The following SKAP2 variants were observed in gnomAD, a reference collection of about 807,000 sequenced individuals.
SKAP2 encodes the protein src kinase-associated phosphoprotein 2.
Under a neutral mutation model 54.9 loss-of-function variants are expected in SKAP2, and 28 were observed. The observed-to-expected ratio is 0.51, with a 90% CI of 0.38 to 0.70. SKAP2 has a LOEUF of 0.70. SKAP2 is among the 30% of genes least tolerant of loss of function. The pLI is 0.00. For synonymous variants in SKAP2, 137 were observed against 134.3 expected, an observed-to-expected ratio of 1.02 and a Z score of -0.14; for missense variants, 356 against 424.1, an observed-to-expected ratio of 0.84 and a Z score of 1.41.
intron 1 of SKAP2, chr7:26,857,636 C>A (rs1785199902): frequency 1.0e-6 from 1 of 985,430 alleles, no homozygotes; most frequent in Non-Finnish European, 1.2e-6. Flanking sequence ...CTGAGAAACG[C>A]ACTTCAGCGT....
intron 4 of SKAP2, among the ~76,000 whole-genome samples, chr7:26,751,812 G>T (rs1342308130): frequency 6.8e-6 from 1 of 147,998 alleles, no homozygotes; most frequent in Non-Finnish European, 1.5e-5. Context: ...CATTTCCCAG[G>T]CATTTGTACA....
chr7:26,682,601 C>G (rs1389254287), intron 11 of SKAP2, among the ~76,000 whole-genome samples: 1 of 152,174 alleles, frequency 6.6e-6, no homozygotes, highest in African/African-American at 2.4e-5. Flanking sequence ...AATTACACAT[C>G]TCTAGAAGGC....
At chr7:26,731,666 T>C (rs1787827223) in intron 6 of SKAP2, among the ~76,000 whole-genome samples, 1 of 152,110 alleles carries the variant, frequency 6.6e-6, no homozygotes, top group South Asian at 2.1e-4. Context: ...ACAATGGAGA[T>C]CATCTTATCC....
At chr7:26,767,875 T>C (rs1783096738) in intron 4 of SKAP2, among the ~76,000 whole-genome samples, 1 of 152,212 alleles carries the variant, frequency 6.6e-6, no homozygotes, top group Admixed American at 6.5e-5. Flanking sequence ...AGTGTTTTAC[T>C]TCCAATTATG....
At chr7:26,796,051 A>G (rs1175071402) in intron 4 of SKAP2, among the ~76,000 whole-genome samples, 1 of 152,258 alleles carries the variant, frequency 6.6e-6, no homozygotes, top group Non-Finnish European at 1.5e-5. Flanking sequence ...TCATTAATGC[A>G]TAAAATATAT....
chr7:26,655,944 G>A, the SKAP2 span, among the ~76,000 whole-genome samples: 1 of 152,142 alleles, frequency 6.6e-6, no homozygotes, highest in South Asian at 2.1e-4. Flanking sequence ...CCACTGGATG[G>A]AAATGTTAGC....
intron 4 of SKAP2, among the ~76,000 whole-genome samples, chr7:26,795,007 A>C (rs2127982632): frequency 6.6e-6 from 1 of 152,310 alleles, no homozygotes; most frequent in Non-Finnish European, 1.5e-5. Context: ...AGGTTAATAG[A>C]GGTTTGGCAC....
intron 11 of SKAP2, among the ~76,000 whole-genome samples, chr7:26,672,027 C>T (rs1242504094): frequency 6.6e-6 from 1 of 151,780 alleles, no homozygotes; most frequent in Admixed American, 6.6e-5. Context: ...TTATTCAATG[C>T]CAATATAAGA....
chr7:26,840,729 G>C (rs1784802560), intron 4 of SKAP2, among the ~76,000 whole-genome samples: 1 of 151,878 alleles, frequency 6.6e-6, no homozygotes, highest in Non-Finnish European at 1.5e-5. Context: ...CAAGCATAAA[G>C]CTAATAAAAT....
chr7:26,667,973 C>T lies in SKAP2; in HGVS notation c.*1693G>A, dbSNP rs966586024. ...ATATGAGGAAAAGGTAAGAACTGCA[C>T]AAATGTAACTTCTGAAAACTTTAAC... On this transcript the variant is annotated 3_prime_UTR_variant, in exon 13 of 13. Transcript: ENST00000345317. The T allele has an allele frequency of 6.6e-6, 1 of 152,098 alleles. No individual in the cohort carries two copies. The highest frequency in any genetic ancestry group is 6.5e-5 in the Admixed American group (1 of 15,272). The allele number at this position is 152,098 out of a possible 1,614,324, so 9.4% of individuals were successfully genotyped here.
chr7:26,801,774 T>TA (rs1202110048), intron 4 of SKAP2, among the ~76,000 whole-genome samples: 1 of 152,100 alleles, frequency 6.6e-6, no homozygotes, highest in Non-Finnish European at 1.5e-5. Flanking sequence ...CACATAAAAT[T>TA]AAATACCTAG....
At chr7:26,734,716 C>T (rs1787887890) in intron 6 of SKAP2, among the ~76,000 whole-genome samples, 1 of 152,156 alleles carries the variant, frequency 6.6e-6, no homozygotes, top group Non-Finnish European at 1.5e-5. Flanking sequence ...GAGTTGAATG[C>T]TGTACCGTCA....
chr7:26,842,330 T>A (rs1378287921), intron 4 of SKAP2, among the ~76,000 whole-genome samples: 1 of 151,570 alleles, frequency 6.6e-6, no homozygotes, highest in Non-Finnish European at 1.5e-5. Flanking sequence ...AATCTTTTAG[T>A]GTATTTCCTG....
chr7:26,726,110 A>C, intron 7 of SKAP2, 124 bp from the exon 8 acceptor site: 1 of 627,570 alleles, frequency 1.6e-6, no homozygotes, highest in Non-Finnish European at 2.8e-6. Flanking sequence ...TTTTCTTGCA[A>C]GGATGCTTCT....
At chr7:26,773,947 G>C (rs865982469) in intron 4 of SKAP2, among the ~76,000 whole-genome samples, 30 of 152,262 alleles carry the variant, frequency 2.0e-4, no homozygotes, top group Middle Eastern at 3.4e-3. Flanking sequence ...AGGCAGGGTT[G>C]AAGAATTATC....
chr7:26,725,370 A>T (rs1562588249), intron 9 of SKAP2, 58 bp downstream of exon 9: 8 of 1,212,950 alleles, frequency 6.6e-6, no homozygotes, highest in Middle Eastern at 2.2e-4. Context: ...ACACACACAC[A>T]CTCACACACA....
chr7:26,807,225 C>T (rs1784047482), intron 4 of SKAP2, among the ~76,000 whole-genome samples: 1 of 152,128 alleles, frequency 6.6e-6, no homozygotes, highest in South Asian at 2.1e-4. Context: ...ACAGCAGTGG[C>T]AGGATTTGAG....
At chr7:26,694,774 T>C (rs1163729841) in intron 9 of SKAP2, among the ~76,000 whole-genome samples, 1 of 152,160 alleles carries the variant, frequency 6.6e-6, no homozygotes, top group Non-Finnish European at 1.5e-5. Context: ...CAAATCTTTT[T>C]AGCATTTGAG....
At chr7:26,850,273 C>T (rs565773606) in intron 3 of SKAP2, among the ~76,000 whole-genome samples, 3 of 152,148 alleles carry the variant, frequency 2.0e-5, no homozygotes, top group East Asian at 1.9e-4. Flanking sequence ...TAAAAATCTA[C>T]GGTTAGAAAC....
Sources: allele counts gnomAD v4.1 joint callset (sites outside exome capture counted in the v4.1 genomes callset), GRCh38; gene constraint gnomAD v4.1.1; transcripts MANE v1.5; gene names NCBI Gene and HGNC (gene_info 2026-07-23, HGNC 2026-07-21).